TBC1D2B: variants seen among roughly 807,000 people sequenced by gnomAD.
The protein encoded by TBC1D2B is TBC1 domain family member 2B.
TBC1D2B carries 64 observed loss-of-function variants against 100.8 expected under a neutral mutation model. The observed-to-expected ratio is 0.64, with a 90% confidence interval of 0.52 to 0.78. TBC1D2B has a LOEUF of 0.78. Among genes scored for constraint, TBC1D2B ranks in the 30% least tolerant of loss-of-function variants. TBC1D2B has a pLI of 0.00. For synonymous variants in TBC1D2B, 480 were observed against 479.7 expected (o/e 1.00, Z -0.01); for missense variants, 1,052 against 1,218.4 (o/e 0.86, Z 2.03).
intron 1 of TBC1D2B, among the ~76,000 whole-genome samples, chr15:78,073,657 C>A (rs906590558): frequency 6.6e-6 from 1 of 152,136 alleles, no homozygotes; most frequent in Non-Finnish European, 1.5e-5. Context: ...AATAACTGTA[C>A]AATGAAATTT....
In TBC1D2B at chr15:78,024,274, T is replaced by C; in HGVS notation, c.1352A>G (p.Asp451Gly). 1 of 1,614,050 alleles carries C rather than the reference T, an allele frequency of 6.2e-7. No individual in the cohort carries two copies. Among genetic ancestry groups the C allele is most frequent in the Non-Finnish European group, 8.5e-7 (1 of 1,179,898 alleles). The change falls in exon 6 of 13, where the codon GAC becomes GGC. Residue 451 changes from aspartate (D) to glycine (G), a missense_variant. By Grantham distance (94) the Asp-to-Gly change is moderately conservative. This residue lies in a region of TBC1D2B where 627 missense variants were observed against 646.1 expected (regional missense o/e 0.97). Coordinates refer to ENST00000300584, the MANE Select transcript of TBC1D2B (RefSeq NM_144572.2). The part of the protein sequence containing the change: ...GMLMETIQAK[D>G]EVIIKLSEGE... Reference sequence around the variant, plus strand: ...CTCGCTGAGCTTGATGATGACCTCGTCCTTGGCTTGGATGGTCTCCATGAG... The same window carrying C: ...CTCGCTGAGCTTGATGATGACCTCGCCCTTGGCTTGGATGGTCTCCATGAG...
intron 9 of TBC1D2B, among the ~76,000 whole-genome samples, chr15:78,010,017 CTTT>C (rs1428102708): frequency 6.6e-6 from 1 of 150,992 alleles, no homozygotes; most frequent in Non-Finnish European, 1.5e-5. Flanking sequence ...GCAGCTGATT[CTTT>C]GAGTTCATCA....
intron 3 of TBC1D2B, 52 bp from the exon 4 acceptor site, chr15:78,030,222 C>A: frequency 6.6e-7 from 1 of 1,517,418 alleles, no homozygotes; most frequent in Non-Finnish European, 8.9e-7. Flanking sequence ...TAAAACAAAA[C>A]GTAATCTCAT....
intron 10 of TBC1D2B, among the ~76,000 whole-genome samples, chr15:78,005,340 G>C (rs541155946): frequency 7.2e-5 from 11 of 152,308 alleles, no homozygotes; most frequent in Admixed American, 5.2e-4. Flanking sequence ...CTCAAAGCAT[G>C]GAATGAATGG....
At position 78,024,230 on chromosome 15, in the gene TBC1D2B, G is replaced by C. The variant is rs2072593990; in HGVS notation, c.1396C>G (p.Pro466Ala). The C allele has an allele frequency of 3.7e-6, 6 of 1,613,792 alleles. No individual in the cohort carries two copies. Among genetic ancestry groups the C allele is most frequent in the Non-Finnish European group, 5.1e-6 (6 of 1,179,904 alleles). Reference sequence around the variant, plus strand: ...GGGGAGCTGGGCGCCACGGTGGGAGGAGGCCCGTTGCCCTCGCCCTCGCTG... The same window carrying C: ...GGGGAGCTGGGCGCCACGGTGGGAGCAGGCCCGTTGCCCTCGCCCTCGCTG... ...KLSEGEGNGP[P>A]PTVAPSSPSV... is the part of the protein sequence containing the mutation. Residue 466 changes from proline to alanine, a missense_variant, in exon 6 of 13, where the codon CCT (proline) becomes GCT (alanine). Pro to Ala is a conservative substitution (Grantham distance 27, BLOSUM62 -1). Coordinates refer to ENST00000300584, the MANE Select transcript of TBC1D2B (RefSeq NM_144572.2).
chr15:78,073,974 A>G (rs1363923534), intron 1 of TBC1D2B, among the ~76,000 whole-genome samples: 1 of 151,618 alleles, frequency 6.6e-6, no homozygotes, highest in Admixed American at 6.6e-5. Flanking sequence ...GTTTCAAAAA[A>G]AAAAAGGGAG....
intron 4 of TBC1D2B, among the ~76,000 whole-genome samples, chr15:78,028,163 C>T (rs1054466193): frequency 1.1e-4 from 16 of 152,274 alleles, no homozygotes; most frequent in Non-Finnish European, 1.8e-4. Flanking sequence ...CATCAATATT[C>T]TCCTAATGAA....
intron 3 of TBC1D2B, among the ~76,000 whole-genome samples, chr15:78,040,112 C>T (rs1054223682): frequency 6.6e-6 from 1 of 152,200 alleles, no homozygotes; most frequent in African/African-American, 2.4e-5. Flanking sequence ...TTCCAATGCA[C>T]GCTCACACGT....
chr15:78,019,867 T>TG (rs1366334541), intron 6 of TBC1D2B, among the ~76,000 whole-genome samples: 2 of 144,702 alleles, frequency 1.4e-5, no homozygotes, highest in African/African-American at 2.6e-5. Context: ...CCAAACTGGG[T>TG]GAAATAGTGA....
rs773505823 is a variant in TBC1D2B at position 78,044,854 on chromosome 15, G to A, written c.683+46C>T. On this transcript the variant is annotated intron_variant, in intron 3 of 12. Transcript: ENST00000300584. ...TATAAAATTATAACATACATTATCA[G>A]AAACAACCCATTTTCAATTTCATAT... The A allele has an allele frequency of 2.0e-6, 3 of 1,499,996 alleles. No individual in the cohort carries two copies. The Admixed American group carries it at 6.3e-5, about 32-fold the overall frequency. The allele number at this position is 1,499,996 out of a possible 1,614,324, so 92.9% of individuals were successfully genotyped here. A position where few individuals can be genotyped will look rare whatever the true frequency, so the allele number is the denominator to read the frequency against.
chr15:78,022,286 G>A (rs1051372551), intron 6 of TBC1D2B, among the ~76,000 whole-genome samples: 1 of 152,180 alleles, frequency 6.6e-6, no homozygotes, highest in South Asian at 2.1e-4. Context: ...TTGAGCCAGG[G>A]AGGTTAAGGC....
intron 11 of TBC1D2B, chr15:78,002,941 T>G (rs111296017): frequency 1.8e-4 from 34 of 183,884 alleles, no homozygotes; most frequent in Non-Finnish European, 3.2e-4. Flanking sequence ...CCCAAGTTAG[T>G]CCCCCTCATT....
intron 3 of TBC1D2B, among the ~76,000 whole-genome samples, chr15:78,032,182 C>T (rs764232361): frequency 2.6e-4 from 40 of 152,028 alleles, no homozygotes; most frequent in Non-Finnish European, 4.9e-4. Context: ...GGAAACCATC[C>T]CTGAGCCTCA....
chr15:78,076,053 G>A (rs1360939036), intron 1 of TBC1D2B, among the ~76,000 whole-genome samples: 1 of 152,164 alleles, frequency 6.6e-6, no homozygotes, highest in Admixed American at 6.6e-5. Flanking sequence ...ACAGAAACCA[G>A]GCAGGGAGCA....
intron 12 of TBC1D2B, chr15:77,998,647 G>T: frequency 2.8e-6 from 1 of 354,472 alleles, no homozygotes; most frequent in East Asian, 5.5e-5. Context: ...GCACACTGGG[G>T]TAAGAGTAGT....
rs1840512515 is a variant in TBC1D2B, at chr15:78,029,908, A to G, written c.847+99T>C. ...AGAATGCAAGCCCCCATTGGTCCTT[A>G]TGCTTCTCGAAATACCTGCTAATAA... is the stretch of plus-strand genomic sequence containing the variant. On this transcript the variant is annotated intron_variant, in intron 4 of 12. Coordinates refer to ENST00000300584, the MANE Select transcript of TBC1D2B (RefSeq NM_144572.2). The G allele has an allele frequency of 7.0e-6, 7 of 996,638 alleles. No homozygotes were observed. In the Admixed American group the frequency reaches 1.1e-4, roughly 16 times the overall value. 61.7% of individuals were successfully genotyped at this position (996,638 alleles called of 1,614,324 possible). A position where few individuals can be genotyped will look rare whatever the true frequency, so the allele number is the denominator to read the frequency against.
chr15:78,066,154 G>A, intron 1 of TBC1D2B: 1 of 451,986 alleles, frequency 2.2e-6, no homozygotes, highest in South Asian at 1.6e-5. Context: ...CGTAGGGTCT[G>A]CCAGCCACCA....
intron 6 of TBC1D2B, among the ~76,000 whole-genome samples, chr15:78,021,860 C>A (rs891095989): frequency 6.6e-6 from 1 of 152,198 alleles, no homozygotes; most frequent in Non-Finnish European, 1.5e-5. Flanking sequence ...AGCGCTGTAT[C>A]CCGATCAGCT....
intron 3 of TBC1D2B, among the ~76,000 whole-genome samples, chr15:78,038,796 G>A (rs192719189): frequency 6.6e-6 from 1 of 152,284 alleles, no homozygotes; most frequent in Admixed American, 6.5e-5. Flanking sequence ...AAAGGTCTCC[G>A]AGTCTACAGG....
Sources: allele counts gnomAD v4.1 joint callset (sites outside exome capture counted in the v4.1 genomes callset), GRCh38; gene constraint gnomAD v4.1.1; regional missense constraint gnomAD v4.1.1; transcripts MANE v1.5; gene names NCBI Gene and HGNC (gene_info 2026-07-23, HGNC 2026-07-21).